Variants in SORCS1 observed in about 807,000 individuals in gnomAD.
SORCS1 encodes sortilin related VPS10 domain containing receptor 1.
In SORCS1, 60 loss-of-function variants were observed where a neutral mutation model predicts 146.1. The ratio of observed to expected loss-of-function variants is 0.41; its 90% CI spans 0.33 to 0.51. The LOEUF is 0.51. SORCS1 is among the 20% of genes least tolerant of loss of function. The probability of loss-of-function intolerance (pLI) is 0.21; values close to 1 mark genes in which losing one functional copy is unlikely to be tolerated. For synonymous variants in SORCS1, 637 were observed against 584.0 expected, an observed-to-expected ratio of 1.09 and a Z score of -1.31; for missense variants, 1,352 against 1,487.6, an observed-to-expected ratio of 0.91 and a Z score of 1.50.
At chr10:106,815,053 G>C (rs1947667958) in intron 3 of SORCS1, among the ~76,000 whole-genome samples, 4 of 151,802 alleles carry the variant, frequency 2.6e-5, no homozygotes, top group Admixed American at 2.6e-4. Context: ...TCCACCTCCT[G>C]GCTTCACGCC....
upstream of SORCS1, among the ~76,000 whole-genome samples, chr10:107,166,415 A>G (rs991855167): frequency 1.3e-5 from 2 of 152,244 alleles, no homozygotes; most frequent in Non-Finnish European, 2.9e-5. Context: ...AAAAAGTGCA[A>G]ATGCAAGGAG....
chr10:106,639,469 G>A (rs1848926133), intron 18 of SORCS1, among the ~76,000 whole-genome samples: 1 of 152,122 alleles, frequency 6.6e-6, no homozygotes, highest in African/African-American at 2.4e-5. Context: ...CAATATATGT[G>A]GATTAGTTTT....
In SORCS1 at chr10:106,612,031, T is replaced by C. The variant is rs1847026075; in HGVS notation, c.2921-8A>G. 6.2e-7 allele frequency: 1 copy of C among 1,604,518 alleles called. No individual in the cohort carries two copies. Among genetic ancestry groups the C allele is most frequent in the East Asian group, 2.2e-5 (1 of 44,814 alleles). ...GAAGAGACCGGAATTCCTCTGGGGATATAACAGTAGATGGAGTACTATAAG... is the reference window on the plus strand; with the variant it reads ...GAAGAGACCGGAATTCCTCTGGGGACATAACAGTAGATGGAGTACTATAAG... On this transcript the variant is annotated splice_region_variant and splice_polypyrimidine_tract_variant and intron_variant, in intron 21 of 25. Coordinates refer to ENST00000263054, the MANE Select transcript of SORCS1 (RefSeq NM_052918.5).
chr10:106,733,588 GT>G (rs1396182392), intron 5 of SORCS1, among the ~76,000 whole-genome samples: 1 of 152,178 alleles, frequency 6.6e-6, no homozygotes, highest in East Asian at 1.9e-4. Flanking sequence ...ACAGAGTTAG[GT>G]AGCATTCTGT....
intron 5 of SORCS1, among the ~76,000 whole-genome samples, chr10:106,733,354 G>A (rs1337368851): frequency 1.3e-5 from 2 of 152,146 alleles, no homozygotes; most frequent in Non-Finnish European, 2.9e-5. Flanking sequence ...TGTGGTCCAA[G>A]AGTATCTCTA....
chr10:107,104,021 G>A (rs1256976903), intron 1 of SORCS1, among the ~76,000 whole-genome samples: 1 of 152,138 alleles, frequency 6.6e-6, no homozygotes, highest in East Asian at 1.9e-4. Flanking sequence ...AACCTTTTTG[G>A]ACACAAATGA....
intron 9 of SORCS1, among the ~76,000 whole-genome samples, chr10:106,694,672 C>G (rs930649380): frequency 2.0e-5 from 3 of 152,186 alleles, no homozygotes; most frequent in Non-Finnish European, 4.4e-5. Context: ...GCTATATTAT[C>G]ATAACCGTTG....
chr10:106,852,742 T>C (rs1443639736), intron 2 of SORCS1, among the ~76,000 whole-genome samples: 1 of 152,174 alleles, frequency 6.6e-6, no homozygotes, highest in Non-Finnish European at 1.5e-5. Flanking sequence ...CCTCATCTAT[T>C]GGTATATTAT....
rs1953580602 is a variant in SORCS1 at position 106,934,301 on chromosome 10, A to C, written c.626+22212T>G. 2.0e-5 allele frequency among the ~76,000 whole-genome samples: 3 copies of C among 151,646 alleles called. 1 individual carries two copies. The highest frequency in any genetic ancestry group is 7.3e-5 in the African/African-American group (3 of 41,366). ...TAGATGGAGTCGCGCACTGTCACCC[A>C]GGCTGGAGTGCAGTGGTGCGATCTC... is the stretch of plus-strand genomic sequence containing the variant. On this transcript the variant is annotated intron_variant, in intron 2 of 25. Coordinates refer to ENST00000263054, the MANE Select transcript of SORCS1 (RefSeq NM_052918.5).
At chr10:106,833,922 T>C (rs1948674511) in intron 2 of SORCS1, among the ~76,000 whole-genome samples, 1 of 152,148 alleles carries the variant, frequency 6.6e-6, no homozygotes, top group Admixed American at 6.5e-5. Flanking sequence ...GCATCCCGAG[T>C]AGCTGGGACT....
chr10:106,600,500 C>T (rs1846175108), intron 23 of SORCS1: 1 of 984,268 alleles, frequency 1.0e-6, no homozygotes, highest in Admixed American at 6.1e-5. Context: ...GAGTATGAAA[C>T]TGTTGACAGA....
chr10:106,592,895 T>C (rs752944454), intron 24 of SORCS1, among the ~76,000 whole-genome samples: 1 of 151,894 alleles, frequency 6.6e-6, no homozygotes, highest in Non-Finnish European at 1.5e-5. Context: ...CCCAGCACTT[T>C]GGGAGGCTGA....
At chr10:106,958,011 A>C (rs764935) in intron 1 of SORCS1, among the ~76,000 whole-genome samples, 9 of 152,310 alleles carry the variant, frequency 5.9e-5, no homozygotes, top group African/African-American at 2.2e-4. Flanking sequence ...ACCCCTTCTC[A>C]GTCACACCAA....
rs375256122 is a variant in SORCS1 at position 106,652,445 on chromosome 10, C to G, written c.2412G>C (p.Thr804=). ...GKAPRGLRIV[T]ADGKLTAEQG... is the part of the protein sequence containing the mutation. ...GTTCCGCTGTCAGCTTTCCATCAGCCGTGACTATCCGCAGCCCCCGCGGGG... is the reference window on the plus strand; with the variant it reads ...GTTCCGCTGTCAGCTTTCCATCAGCGGTGACTATCCGCAGCCCCCGCGGGG... The change falls in exon 18 of 26, where the codon ACG becomes ACC. Residue 804 remains threonine, a synonymous_variant. Transcript: ENST00000263054. The G allele has an allele frequency of 6.2e-7, 1 of 1,614,096 alleles. No individual in the cohort carries two copies. Among genetic ancestry groups the G allele is most frequent in the Non-Finnish European group, 8.5e-7 (1 of 1,179,986 alleles).
At chr10:107,172,365 A>G in the SORCS1 span, among the ~76,000 whole-genome samples, 94 of 152,296 alleles carry the variant, frequency 6.2e-4, no homozygotes, top group Non-Finnish European at 9.0e-4. Flanking sequence ...GATATTAGGA[A>G]ATGTTTGAAA....
chr10:107,065,100 T>C (rs1170369310), intron 1 of SORCS1, among the ~76,000 whole-genome samples: 1 of 152,080 alleles, frequency 6.6e-6, no homozygotes, highest in Non-Finnish European at 1.5e-5. Flanking sequence ...TGTTGAAGAC[T>C]GGGAATTAGT....
intron 1 of SORCS1, among the ~76,000 whole-genome samples, chr10:107,139,430 A>G: frequency 6.6e-6 from 1 of 152,262 alleles, no homozygotes; most frequent in East Asian, 1.9e-4. Flanking sequence ...ACTGCCACCT[A>G]GACCCTGTGA....
intron 1 of SORCS1, among the ~76,000 whole-genome samples, chr10:107,136,691 T>A (rs1280669668): frequency 6.6e-6 from 1 of 152,110 alleles, no homozygotes; most frequent in Non-Finnish European, 1.5e-5. Context: ...TAAGTCCAGG[T>A]TAAATATGAG....
chr10:106,786,486 T>G lies in SORCS1; in HGVS notation c.727-9794A>C, dbSNP rs142981358. Among the ~76,000 whole-genome samples, 54 of 152,244 alleles carry G rather than the reference T, an allele frequency of 3.5e-4. No homozygotes were observed. The East Asian group carries it at 0.01, about 28-fold the overall frequency. Reference sequence around the variant, plus strand: ...TATATAGCAGTGGTTTCCTTCAGTGTGAATGTCCCAAGATCAAGTATTCCA... The same window carrying G: ...TATATAGCAGTGGTTTCCTTCAGTGGGAATGTCCCAAGATCAAGTATTCCA... On this transcript the variant is annotated intron_variant, in intron 3 of 25. Coordinates refer to ENST00000263054, the MANE Select transcript of SORCS1 (RefSeq NM_052918.5).
Sources: gnomAD v4.1 joint callset for allele counts (sites outside exome capture counted in the v4.1 genomes callset) on GRCh38, gnomAD v4.1.1 for gene constraint, MANE v1.5 for transcripts, NCBI Gene and HGNC (gene_info 2026-07-23, HGNC 2026-07-21) for gene names.